The following DAB1 variants were observed in gnomAD, a reference collection of about 807,000 sequenced individuals.
DAB1 encodes the protein disabled homolog 1.
A neutral mutation model predicts 64.6 loss-of-function variants in DAB1; 15 were observed. That is an observed-to-expected ratio of 0.23 (90% CI 0.16 to 0.36). The LOEUF is 0.36. Ranked by LOEUF, DAB1 falls within the 10% of genes least tolerant of loss-of-function variation. DAB1 has a pLI of 1.00. For synonymous variants in DAB1, 235 were observed against 251.9 expected (o/e 0.93, Z 0.64); for missense variants, 596 against 706.7 (o/e 0.84, Z 1.78).
At chr1:57,528,026 A>C (rs547717457) in intron 7 of DAB1, among the ~76,000 whole-genome samples, 1 of 152,308 alleles carries the variant, frequency 6.6e-6, no homozygotes, top group Non-Finnish European at 1.5e-5. Context: ...CTTACAGATG[A>C]TAAAAAATGA....
intron 5 of DAB1, among the ~76,000 whole-genome samples, chr1:58,075,743 G>C (rs1335010120): frequency 6.6e-6 from 1 of 152,140 alleles, no homozygotes; most frequent in African/African-American, 2.4e-5. Context: ...AGAGCTGTCC[G>C]ACTCTCTCTC....
intron 3 of DAB1, among the ~76,000 whole-genome samples, chr1:58,479,987 A>G (rs141230161): frequency 2.0e-5 from 3 of 152,324 alleles, no homozygotes; most frequent in Admixed American, 2.0e-4. Context: ...AATATAATGT[A>G]TTTCAAGAAA....
chr1:57,177,546 C>G (rs917809980), intron 2 of DAB1, among the ~76,000 whole-genome samples: 12 of 152,140 alleles, frequency 7.9e-5, no homozygotes, highest in African/African-American at 2.7e-4. Flanking sequence ...ACTCTGCAAA[C>G]CAAAGCAGTC....
chr1:58,053,540 A>T (rs1647847774), intron 5 of DAB1, among the ~76,000 whole-genome samples: 1 of 152,138 alleles, frequency 6.6e-6, no homozygotes, highest in Non-Finnish European at 1.5e-5. Flanking sequence ...TGCCCCCATC[A>T]CTCAAACACC....
chr1:57,654,159 A>G (rs1373236495), intron 6 of DAB1, among the ~76,000 whole-genome samples: 1 of 152,160 alleles, frequency 6.6e-6, no homozygotes, highest in East Asian at 1.9e-4. Flanking sequence ...GCTTTTTCAT[A>G]TGTCCATTTT....
At chr1:57,392,208 A>C (rs190574629) in intron 1 of DAB1, among the ~76,000 whole-genome samples, 2 of 152,236 alleles carry the variant, frequency 1.3e-5, no homozygotes, top group Non-Finnish European at 2.9e-5. Flanking sequence ...CTCCATCTCT[A>C]TTCAAAATAC....
chr1:57,304,489 C>T (rs1044630231), intron 1 of DAB1, among the ~76,000 whole-genome samples: 2 of 152,110 alleles, frequency 1.3e-5, no homozygotes, highest in Admixed American at 6.6e-5. Flanking sequence ...ACGGACTTGC[C>T]CTGGGAATTC....
intron 3 of DAB1, among the ~76,000 whole-genome samples, chr1:58,347,222 C>T (rs1206187268): frequency 6.6e-6 from 1 of 152,176 alleles, no homozygotes; most frequent in Non-Finnish European, 1.5e-5. Flanking sequence ...ATTCTCTTGT[C>T]TCAGCCTCCC....
chr1:57,373,622 C>T (rs1274112317), intron 1 of DAB1, among the ~76,000 whole-genome samples: 1 of 152,162 alleles, frequency 6.6e-6, no homozygotes, highest in African/African-American at 2.4e-5. Flanking sequence ...TGCCCATGCT[C>T]TACTTTTATT....
chr1:57,116,823 G>T (rs188550140), intron 4 of DAB1, among the ~76,000 whole-genome samples: 3 of 152,262 alleles, frequency 2.0e-5, no homozygotes, highest in Admixed American at 2.0e-4. Flanking sequence ...GTAATTAGGT[G>T]GCTTTTTACA....
At chr1:58,481,673 G>C (rs1429607685) in intron 3 of DAB1, among the ~76,000 whole-genome samples, 2 of 150,996 alleles carry the variant, frequency 1.3e-5, no homozygotes, top group African/African-American at 4.9e-5. Context: ...ATCTCATCTT[G>C]AATTGCAGTT....
chr1:58,231,776 C>T (rs553796503), intron 4 of DAB1, among the ~76,000 whole-genome samples: 66 of 152,326 alleles, frequency 4.3e-4, no homozygotes, highest in Non-Finnish European at 5.0e-4. Flanking sequence ...TTGATTGGAA[C>T]ATAACCAAGT....
chr1:58,401,832 C>T (rs956772645), intron 3 of DAB1, among the ~76,000 whole-genome samples: 11 of 152,208 alleles, frequency 7.2e-5, no homozygotes, highest in Admixed American at 1.3e-4. Flanking sequence ...AAATACATAA[C>T]ATATTCTATA....
intron 14 of DAB1, among the ~76,000 whole-genome samples, chr1:57,006,201 G>A (rs1012356738): frequency 3.3e-5 from 5 of 152,122 alleles, no homozygotes; most frequent in African/African-American, 1.2e-4. Context: ...TACTCCAATG[G>A]CTGAAACCCA....
intron 7 of DAB1, among the ~76,000 whole-genome samples, chr1:57,538,076 C>T (rs78161524): frequency 2.1e-3 from 323 of 152,248 alleles, no homozygotes; most frequent in African/African-American, 7.1e-3. Context: ...CCCGCTGGCC[C>T]CACCTGCAAC....
At chr1:57,385,266 C>T (rs1186664802) in intron 1 of DAB1, among the ~76,000 whole-genome samples, 1 of 152,216 alleles carries the variant, frequency 6.6e-6, no homozygotes, top group Non-Finnish European at 1.5e-5. Flanking sequence ...AACCTTGAGT[C>T]TAGATGTTTC....
intron 7 of DAB1, among the ~76,000 whole-genome samples, chr1:57,536,668 G>A (rs1257733416): frequency 1.3e-5 from 2 of 149,432 alleles, no homozygotes; most frequent in African/African-American, 2.5e-5. Context: ...TTAAAACCTG[G>A]TGGTAACCGG....
intron 6 of DAB1, among the ~76,000 whole-genome samples, chr1:57,728,615 A>G (rs1287535659): frequency 6.6e-6 from 1 of 151,970 alleles, no homozygotes; most frequent in East Asian, 1.9e-4. Flanking sequence ...ACAACAAAAA[A>G]AAACCACCCC....
chr1:57,009,469 T>C (rs975398841), intron 14 of DAB1, among the ~76,000 whole-genome samples: 1 of 152,198 alleles, frequency 6.6e-6, no homozygotes, highest in African/African-American at 2.4e-5. Context: ...GTTAACAAAA[T>C]ACACTTTCAA....
Sources: allele counts gnomAD v4.1 joint callset (sites outside exome capture counted in the v4.1 genomes callset), GRCh38; gene constraint gnomAD v4.1.1; transcripts MANE v1.5; gene names NCBI Gene and HGNC (gene_info 2026-07-23, HGNC 2026-07-21).